The following FEM1C variants were observed in gnomAD, a reference collection of about 807,000 sequenced individuals.
FEM1C encodes protein fem-1 homolog C.
FEM1C carries 15 observed loss-of-function variants against 37.6 expected under a neutral mutation model. The observed-to-expected ratio is 0.40, with a 90% CI of 0.27 to 0.61. The LOEUF (loss-of-function observed/expected upper bound fraction) is 0.61, where lower values mean the gene tolerates loss of function less well. FEM1C is among the 20% of genes least tolerant of loss of function. The pLI is 0.42. For missense variants in FEM1C, 532 were observed against 749.7 expected (o/e 0.71, Z 3.39); for synonymous variants, 287 against 272.8 (o/e 1.05, Z -0.51).
intron 1 of FEM1C, chr5:115,544,058 T>C: frequency 1.0e-6 from 1 of 985,406 alleles, no homozygotes; most frequent in Non-Finnish European, 1.2e-6. Flanking sequence ...TTCTTGCAAC[T>C]GCAGGAGAGC....
At chr5:115,527,290 T>C (rs1259150658) in intron 2 of FEM1C, among the ~76,000 whole-genome samples, 3 of 152,098 alleles carry the variant, frequency 2.0e-5, no homozygotes, top group Non-Finnish European at 4.4e-5. Context: ...TTCAAATAAA[T>C]CTACTTTGTA....
At chr5:115,528,563 T>C (rs1032237864) in intron 2 of FEM1C, among the ~76,000 whole-genome samples, 11 of 152,182 alleles carry the variant, frequency 7.2e-5, no homozygotes, top group African/African-American at 1.9e-4. Context: ...CATCTCATTA[T>C]TGATTTGAAA....
chr5:115,543,337 G>C lies in FEM1C; in HGVS notation c.157C>G (p.His53Asp). 6.2e-7 allele frequency: 1 copy of C among 1,614,178 alleles called. No homozygotes were observed. The highest frequency in any genetic ancestry group is 8.5e-7 in the Non-Finnish European group (1 of 1,180,038). Residue 53 changes from histidine (H) to aspartate (D), a missense_variant, in exon 2 of 3, where the codon CAC becomes GAC. This residue lies in a region of FEM1C where 74 missense variants were observed against 85.0 expected (regional missense o/e 0.87). Coordinates refer to ENST00000274457, the MANE Select transcript of FEM1C (RefSeq NM_020177.3). ...AGGAGGAATTCCACCATGTCAAGGT[G>C]CCCATACCTGGCGGCCATCAAGAGT... Reference protein sequence around the residue: ...TPLLMAARYGHLDMVEFLLEQ... With the variant: ...TPLLMAARYGDLDMVEFLLEQ...
At position 115,521,825 on chromosome 5, in the gene FEM1C, C is replaced by T. The variant is rs1753782092; in HGVS notation, c.*2483G>A. On this transcript the variant is annotated 3_prime_UTR_variant, in exon 3 of 3. Coordinates refer to ENST00000274457, the MANE Select transcript of FEM1C (RefSeq NM_020177.3). The stretch of plus-strand genomic sequence containing the variant: ...TCTGACAAAGGCTTTATCAGTGTCA[C>T]ATTTATGAAACAATTTTCCCTAAAA... 1 of 151,800 alleles carries T rather than the reference C, an allele frequency of 6.6e-6. No homozygotes were observed. Among genetic ancestry groups the T allele is most frequent in the Admixed American group, 6.6e-5 (1 of 15,200 alleles). 9.4% of individuals were successfully genotyped at this position (151,800 alleles called of 1,614,324 possible).
rs994261772 is a variant in FEM1C, at chr5:115,522,577, A to C, written c.*1731T>G. On this transcript the variant is annotated 3_prime_UTR_variant, in exon 3 of 3. Coordinates refer to ENST00000274457, the MANE Select transcript of FEM1C (RefSeq NM_020177.3). ...TCTAATGTTCTCTTGTTTATTTACT[A>C]CTCCTCATTACAAGGTTTTTACTGA... 6.6e-6 allele frequency: 1 copy of C among 151,882 alleles called. No individual in the cohort carries two copies. The allele number at this position is 151,882 out of a possible 1,614,324, so 9.4% of individuals were successfully genotyped here.
At chr5:115,536,463 G>A (rs1335123036) in intron 2 of FEM1C, among the ~76,000 whole-genome samples, 6 of 151,842 alleles carry the variant, frequency 4.0e-5, no homozygotes, top group Non-Finnish European at 7.4e-5. Context: ...CCACTTGTAA[G>A]ATGAGGATAG....
At chr5:115,542,891 T>A in intron 2 of FEM1C, 59 bp downstream of exon 2, 1 of 1,557,268 alleles carries the variant, frequency 6.4e-7, no homozygotes, top group South Asian at 1.3e-5. Context: ...TATAATGATG[T>A]ATCAAACTTC....
chr5:115,535,337 T>C (rs1322562936), intron 2 of FEM1C, among the ~76,000 whole-genome samples: 1 of 145,202 alleles, frequency 6.9e-6, no homozygotes, highest in African/African-American at 2.5e-5. Context: ...AAATGATATA[T>C]CTGATAAAAG....
intron 2 of FEM1C, among the ~76,000 whole-genome samples, chr5:115,528,744 A>C (rs1450286099): frequency 6.6e-6 from 1 of 152,164 alleles, no homozygotes; most frequent in Non-Finnish European, 1.5e-5. Context: ...CACAAAAAAC[A>C]ATGGAAATAA....
At chr5:115,538,337 G>C (rs534397247) in intron 2 of FEM1C, among the ~76,000 whole-genome samples, 1 of 151,818 alleles carries the variant, frequency 6.6e-6, no homozygotes, top group Non-Finnish European at 1.5e-5. Flanking sequence ...ACTCATTTTT[G>C]TCCAACTACT....
At chr5:115,528,075 A>G (rs1482418977) in intron 2 of FEM1C, among the ~76,000 whole-genome samples, 1 of 152,032 alleles carries the variant, frequency 6.6e-6, no homozygotes, top group Non-Finnish European at 1.5e-5. Context: ...AAAAAATACA[A>G]AATATATTTA....
In FEM1C at chr5:115,543,617, G is replaced by C. The variant is rs1463541014; in HGVS notation, c.-124C>G. 2.1e-6 allele frequency: 3 copies of C among 1,453,944 alleles called. No homozygotes were observed. Among genetic ancestry groups the C allele is most frequent in the Non-Finnish European group, 2.7e-6 (3 of 1,110,040 alleles). The allele number at this position is 1,453,944 out of a possible 1,614,324, so 90.1% of individuals were successfully genotyped here. ...ATGTTAATTGCTGCACCCCAGAACG[G>C]ATACACAACCACGAAGAGTATGTTC... is the stretch of plus-strand genomic sequence containing the variant. On this transcript the variant is annotated 5_prime_UTR_variant, in exon 2 of 3. The change creates a new upstream start codon in the 5' untranslated region. Coordinates refer to ENST00000274457, the MANE Select transcript of FEM1C (RefSeq NM_020177.3).
Position 115,525,379 on chromosome 5 carries a change from A to G in FEM1C, c.783T>C (p.Asp261=). ...LGATFVDKKR[D]LLGALKYWKK... is the part of the protein sequence containing the mutation. ...TCCAGTATTTCAAAGCCCCAAGCAG[A>G]TCTCTTTTTTTGTCTACAAATGTAG... Residue 261 remains aspartate, a synonymous_variant, in exon 3 of 3, where the codon GAT becomes GAC. Transcript: ENST00000274457. The G allele has an allele frequency of 6.2e-7, 1 of 1,613,638 alleles. No individual in the cohort carries two copies. The highest frequency in any genetic ancestry group is 8.5e-7 in the Non-Finnish European group (1 of 1,179,784).
Position 115,523,089 on chromosome 5 carries a change from C to T in FEM1C, c.*1219G>A, listed in dbSNP as rs948480265. On this transcript the variant is annotated 3_prime_UTR_variant, in exon 3 of 3. Transcript: ENST00000274457. Reference sequence around the variant, plus strand: ...TAACTGGGGTGACAAATAATTGAGACCAAAGTAATCAAAGTAATTCATGCA... The same window carrying T: ...TAACTGGGGTGACAAATAATTGAGATCAAAGTAATCAAAGTAATTCATGCA... 5.3e-5 allele frequency: 8 copies of T among 152,098 alleles called. No homozygotes were observed. The highest frequency in any genetic ancestry group is 1.9e-4 in the African/African-American group (8 of 41,378). 9.4% of individuals were successfully genotyped at this position (152,098 alleles called of 1,614,324 possible). A position where few individuals can be genotyped will look rare whatever the true frequency, so the allele number is the denominator to read the frequency against.
rs1027203327 is a variant in FEM1C, at chr5:115,527,328, A to T, written c.545-1711T>A. Among the ~76,000 whole-genome samples the T allele has an allele frequency of 7.9e-5, 12 of 152,314 alleles. 1 individual carries two copies. The highest frequency in any genetic ancestry group is 4.6e-4 in the Admixed American group (7 of 15,288). On this transcript the variant is annotated intron_variant, in intron 2 of 2. Coordinates refer to ENST00000274457, the MANE Select transcript of FEM1C (RefSeq NM_020177.3). ...TAAAGTTAGAAAAAAACAAGTTATTATAAGAAATATTGAATCTTTCCACAA... is the reference window on the plus strand; with the variant it reads ...TAAAGTTAGAAAAAAACAAGTTATTTTAAGAAATATTGAATCTTTCCACAA...
At chr5:115,538,714 C>G (rs1051813569) in intron 2 of FEM1C, among the ~76,000 whole-genome samples, 1 of 151,982 alleles carries the variant, frequency 6.6e-6, no homozygotes, top group Non-Finnish European at 1.5e-5. Flanking sequence ...GATTAAATGT[C>G]CTTTAAAATT....
chr5:115,533,260 CTTTAT>C (rs1446269498), intron 2 of FEM1C, among the ~76,000 whole-genome samples: 3 of 151,862 alleles, frequency 2.0e-5, no homozygotes, highest in Non-Finnish European at 2.9e-5. Context: ...TGTTTATAAA[CTTTAT>C]TTTCTTTTAT....
In FEM1C at chr5:115,522,948, A is replaced by G. The variant is rs1285205696; in HGVS notation, c.*1360T>C. ...AAATCTGTGAGTGAGTGAGTGAGAG[A>G]GAGAGAGAGAGAGAAAGAGAAAGAG... is the stretch of plus-strand genomic sequence containing the variant. On this transcript the variant is annotated 3_prime_UTR_variant, in exon 3 of 3. Transcript: ENST00000274457. 1.3e-5 allele frequency: 2 copies of G among 152,208 alleles called. No homozygotes were observed. The highest frequency in any genetic ancestry group is 4.8e-5 in the African/African-American group (2 of 41,312). The allele number at this position is 152,208 out of a possible 1,614,324, so 9.4% of individuals were successfully genotyped here.
Position 115,521,521 on chromosome 5 carries a change from ATAAAG to A in FEM1C, c.*2782_*2786del, listed in dbSNP as rs1753774457. On this transcript the variant is annotated 3_prime_UTR_variant, in exon 3 of 3. Coordinates refer to ENST00000274457, the MANE Select transcript of FEM1C (RefSeq NM_020177.3). Reference sequence around the variant, plus strand: ...TTAAGTCTATAATCCATTTGTCTTTATAAAGTAGACTGGCATCTAAGTAAAATGAC... The same window carrying A: ...TTAAGTCTATAATCCATTTGTCTTTATAGACTGGCATCTAAGTAAAATGAC... 1 of 151,868 alleles carries A rather than the reference ATAAAG, an allele frequency of 6.6e-6. No individual in the cohort carries two copies. The highest frequency in any genetic ancestry group is 1.5e-5 in the Non-Finnish European group (1 of 67,810). 9.4% of individuals were successfully genotyped at this position (151,868 alleles called of 1,614,324 possible). A position where few individuals can be genotyped will look rare whatever the true frequency, so the allele number is the denominator to read the frequency against.
Sources: allele counts gnomAD v4.1 joint callset (sites outside exome capture counted in the v4.1 genomes callset), GRCh38; gene constraint gnomAD v4.1.1; regional missense constraint gnomAD v4.1.1; transcripts MANE v1.5; gene names NCBI Gene and HGNC (gene_info 2026-07-23, HGNC 2026-07-21).